SEMA4D: variants seen among roughly 807,000 people sequenced by gnomAD.
The protein encoded by SEMA4D is semaphorin-4D.
A neutral mutation model predicts 74.8 loss-of-function variants in SEMA4D; 22 were observed. The observed-to-expected ratio is 0.29, with a 90% CI of 0.21 to 0.42. The LOEUF is 0.42. Among genes scored for constraint, SEMA4D ranks in the 10% least tolerant of loss-of-function variants. The pLI, the probability that SEMA4D is intolerant of heterozygous loss-of-function variation, is 1.00. For synonymous variants in SEMA4D, 445 were observed against 463.7 expected, an observed-to-expected ratio of 0.96 and a Z score of 0.52; for missense variants, 937 against 1,118.4, an observed-to-expected ratio of 0.84 and a Z score of 2.31.
At chr9:89,383,871 C>A (rs1837769900) in intron 13 of SEMA4D, among the ~76,000 whole-genome samples, 1 of 152,202 alleles carries the variant, frequency 6.6e-6, no homozygotes. Flanking sequence ...CCCTCGACGC[C>A]CCCTGTCTCC....
Position 89,362,082 on chromosome 9 carries a change from C to T in SEMA4D, c.*320G>A, listed in dbSNP as rs1184854749. ...CGTAGAGGAGGAACCTGCACACACC[C>T]TGCTGTTTTAGTTCACGAGCAGCTA... On this transcript the variant is annotated 3_prime_UTR_variant, in exon 19 of 19. Transcript: ENST00000339861. 49 of 531,346 alleles carry T rather than the reference C, an allele frequency of 9.2e-5. 1 individual carries two copies. The South Asian group carries it at 1.1e-3, about 11-fold the overall frequency. 32.9% of individuals were successfully genotyped at this position (531,346 alleles called of 1,614,324 possible).
intron 1 of SEMA4D, among the ~76,000 whole-genome samples, chr9:89,476,802 C>T (rs1436461266): frequency 2.6e-5 from 4 of 152,178 alleles, no homozygotes; most frequent in East Asian, 3.9e-4. Context: ...ATCCCCACTT[C>T]GGAGCAGAAC....
At chr9:89,380,752 TC>T (rs1392126147) in intron 15 of SEMA4D, among the ~76,000 whole-genome samples, 1 of 152,052 alleles carries the variant, frequency 6.6e-6, no homozygotes, top group East Asian at 1.9e-4. Flanking sequence ...GGCTCCTTTC[TC>T]CCCATTTATA....
In SEMA4D at chr9:89,379,275, A is replaced by G; in HGVS notation, c.2018T>C (p.Leu673Ser). The change falls in exon 16 of 16, where the codon TTG becomes TCG. Residue 673 changes from leucine (L) to serine (S), a missense_variant. By Grantham distance (145) the Leu-to-Ser change is moderately radical. Coordinates refer to ENST00000422704, the MANE Select transcript of SEMA4D (RefSeq NM_001371194.2). ...TEGSRIATKVLVASTQGSSPP... is the reference protein window; with the variant it reads ...TEGSRIATKVSVASTQGSSPP... ...AGAAGACCCTTGGGTGGATGCCACC[A>G]ACACTTTGGTGGCAATCCTACTACC... 2 of 1,614,118 alleles carry G rather than the reference A, an allele frequency of 1.2e-6. No homozygotes were observed. Among genetic ancestry groups the G allele is most frequent in the Non-Finnish European group, 1.7e-6 (2 of 1,180,032 alleles).
At chr9:89,433,722 G>C (rs1475279220) in intron 2 of SEMA4D, among the ~76,000 whole-genome samples, 4 of 152,206 alleles carry the variant, frequency 2.6e-5, no homozygotes, top group Non-Finnish European at 2.9e-5. Flanking sequence ...AGGGTCACAG[G>C]GTCCGGGGGC....
chr9:89,393,630 C>A lies in SEMA4D; in HGVS notation c.440G>T (p.Gly147Val). Residue 147 changes from glycine to valine, a missense_variant, in exon 7 of 16, where the codon GGG becomes GTG. By Grantham distance (109) the Gly-to-Val change is moderately radical. Transcript: ENST00000422704. ...HLNLTSFKFL[G>V]KNEDGKGRCP... ...TCTTCCTTTGCCATCTTCATTTTTC[C>A]CCAGAAACTTAAAGGATGTTAAGTT... 1 of 1,614,032 alleles carries A rather than the reference C, an allele frequency of 6.2e-7. No homozygotes were observed. Among genetic ancestry groups the A allele is most frequent in the Non-Finnish European group, 8.5e-7 (1 of 1,179,926 alleles).
intron 2 of SEMA4D, among the ~76,000 whole-genome samples, chr9:89,416,473 C>T (rs990507149): frequency 7.2e-5 from 11 of 152,202 alleles, no homozygotes; most frequent in East Asian, 5.8e-4. Context: ...ACGCGAGGCG[C>T]GACCCACCTG....
At chr9:89,439,111 A>G (rs1040080552) in intron 2 of SEMA4D, among the ~76,000 whole-genome samples, 1 of 150,586 alleles carries the variant, frequency 6.6e-6, no homozygotes, top group African/African-American at 2.5e-5. Context: ...CCTCCTGAGT[A>G]GCTGGGATTA....
At position 89,436,452 on chromosome 9, in the gene SEMA4D, T is replaced by A. The variant is rs558558586; in HGVS notation, c.-244+19436A>T. 3.9e-5 allele frequency: 6 copies of A among 152,554 alleles called. No homozygotes were observed. The East Asian group carries it at 1.2e-3, about 29-fold the overall frequency. The allele number at this position is 152,554 out of a possible 1,614,324, so 9.5% of individuals were successfully genotyped here. ...GCAGGGCCTCTGCTCGCCTGGGACG[T>A]CTGTCCTGACTGCAGGGGTTTCAAG... On this transcript the variant is annotated intron_variant, in intron 2 of 15. Coordinates refer to ENST00000422704, the MANE Select transcript of SEMA4D (RefSeq NM_001371194.2).
At chr9:89,373,579 A>G (rs372019581), downstream of SEMA4D, among the ~76,000 whole-genome samples, 69 of 152,320 alleles carry the variant, frequency 4.5e-4, no homozygotes, top group African/African-American at 1.4e-3. Flanking sequence ...GATGCCACGA[A>G]TGTCCTCTTA....
chr9:89,384,673 AC>A, intron 13 of SEMA4D: 1 of 985,258 alleles, frequency 1.0e-6, no homozygotes, highest in Non-Finnish European at 1.2e-6. Context: ...AAAAAGCAAA[AC>A]CCCATGCTTG....
chr9:89,441,109 C>T (rs1671331022), intron 2 of SEMA4D, among the ~76,000 whole-genome samples: 1 of 152,232 alleles, frequency 6.6e-6, no homozygotes, highest in African/African-American at 2.4e-5. Context: ...TGGCTTCACG[C>T]CCTCTGCTGC....
At chr9:89,428,159 T>C (rs1848495110) in intron 2 of SEMA4D, among the ~76,000 whole-genome samples, 1 of 151,862 alleles carries the variant, frequency 6.6e-6, no homozygotes, top group South Asian at 2.1e-4. Flanking sequence ...TGACCTGTCA[T>C]GGAGGGATAC....
chr9:89,393,721 T>A (rs973041117), intron 6 of SEMA4D, 66 bp from the exon 7 acceptor site: 3 of 1,242,472 alleles, frequency 2.4e-6, no homozygotes, highest in Non-Finnish European at 3.6e-6. Flanking sequence ...AATGTGTCTC[T>A]GTACCACTTC....
At chr9:89,383,826 C>A (rs890179962) in intron 13 of SEMA4D, among the ~76,000 whole-genome samples, 2 of 152,180 alleles carry the variant, frequency 1.3e-5, no homozygotes, top group African/African-American at 4.8e-5. Flanking sequence ...ATGAGTGAGG[C>A]CCGCTGAGAG....
intron 4 of SEMA4D, among the ~76,000 whole-genome samples, chr9:89,400,820 C>A (rs1367671230): frequency 6.6e-6 from 1 of 152,150 alleles, no homozygotes; most frequent in Non-Finnish European, 1.5e-5. Flanking sequence ...CCAAGCCTCT[C>A]CCCAACCCCG....
chr9:89,489,246 A>T (rs1268624309), intron 1 of SEMA4D, among the ~76,000 whole-genome samples: 5 of 152,174 alleles, frequency 3.3e-5, no homozygotes, highest in African/African-American at 1.2e-4. Context: ...TTACCATGAA[A>T]CCCTGTAATT....
In SEMA4D at chr9:89,419,921, A is replaced by G. The variant is rs150043555; in HGVS notation, c.-243-14222T>C. On this transcript the variant is annotated intron_variant, in intron 2 of 15. Coordinates refer to ENST00000422704, the MANE Select transcript of SEMA4D (RefSeq NM_001371194.2). ...GACAGAAAAAGACTCCGTCTCAAAA[A>G]AAACAAAAAAACACCTGAAAAACTT... is the stretch of plus-strand genomic sequence containing the variant. 2.1e-3 allele frequency among the ~76,000 whole-genome samples: 319 copies of G among 152,342 alleles called. 1 individual carries two copies. The highest frequency in any genetic ancestry group is 6.7e-3 in the African/African-American group (280 of 41,578).
chr9:89,466,198 G>C (rs1858651111), intron 1 of SEMA4D, among the ~76,000 whole-genome samples: 1 of 152,140 alleles, frequency 6.6e-6, no homozygotes, highest in Non-Finnish European at 1.5e-5. Flanking sequence ...CAAGGGATCA[G>C]GCACACGAAA....
Sources: allele counts gnomAD v4.1 joint callset (sites outside exome capture counted in the v4.1 genomes callset), GRCh38; gene constraint gnomAD v4.1.1; transcripts MANE v1.5; gene names NCBI Gene and HGNC (gene_info 2026-07-23, HGNC 2026-07-21).